CCER1: variants seen among roughly 807,000 people sequenced by gnomAD.
The protein encoded by CCER1 is coiled-coil domain-containing glutamate-rich protein 1.
For synonymous variants in CCER1, 246 were observed against 213.8 expected, an observed-to-expected ratio of 1.15 and a Z score of -1.31; for missense variants, 573 against 524.5, an observed-to-expected ratio of 1.09 and a Z score of -0.90.
In CCER1 at chr12:90,953,137, C is replaced by G. The variant is rs1592615343; in HGVS notation, c.*385G>C. On this transcript the variant is annotated 3_prime_UTR_variant, in exon 1 of 1. Coordinates refer to ENST00000358859, the MANE Select transcript of CCER1 (RefSeq NM_152638.4). Reference sequence around the variant, plus strand: ...GCTTCTTACGCATGTAATAAACTATCTCTTGATTCCAAGCTCATTAAGTGG... The same window carrying G: ...GCTTCTTACGCATGTAATAAACTATGTCTTGATTCCAAGCTCATTAAGTGG... The G allele has an allele frequency of 5.6e-6, 1 of 177,938 alleles. No individual in the cohort carries two copies. The highest frequency in any genetic ancestry group is 2.4e-5 in the African/African-American group (1 of 42,432). The allele number at this position is 177,938 out of a possible 1,614,324, so 11.0% of individuals were successfully genotyped here. A position where few individuals can be genotyped will look rare whatever the true frequency, so the allele number is the denominator to read the frequency against.
chr12:90,953,813 C>T lies in CCER1; in HGVS notation c.930G>A (p.Glu310=), dbSNP rs779116554. The change falls in exon 1 of 1, where the codon GAG becomes GAA. Residue 310 remains glutamate, a synonymous_variant. Transcript: ENST00000358859. The stretch of plus-strand genomic sequence containing the variant: ...CCTCCTCATCTTCGACCTCTTCCTC[C>T]TCATCTTCGACCTCTTCTTCCTCCT... ...ASEEEEEVED[E]EEEVEDEEEE... is the part of the protein sequence containing the mutation. 6 of 1,555,186 alleles carry T rather than the reference C, an allele frequency of 3.9e-6. No homozygotes were observed. Among genetic ancestry groups the T allele is most frequent in the Non-Finnish European group, 5.3e-6 (6 of 1,127,182 alleles).
chr12:90,953,339 C>T lies in CCER1; in HGVS notation c.*183G>A, dbSNP rs1876527106. ...GTAAAATTATATTTGAAAGCTTCCC[C>T]ACCACCCACCCATAGTCATACACAT... is the stretch of plus-strand genomic sequence containing the variant. On this transcript the variant is annotated 3_prime_UTR_variant, in exon 1 of 1. Coordinates refer to ENST00000358859, the MANE Select transcript of CCER1 (RefSeq NM_152638.4). 1 of 544,288 alleles carries T rather than the reference C, an allele frequency of 1.8e-6. No homozygotes were observed. Among genetic ancestry groups the T allele is most frequent in the Non-Finnish European group, 2.9e-6 (1 of 340,352 alleles). The allele number at this position is 544,288 out of a possible 1,614,324, so 33.7% of individuals were successfully genotyped here.
rs761676354 is a variant in CCER1, at chr12:90,954,692, A to G, written c.51T>C (p.Gly17=). 21 of 1,573,714 alleles carry G rather than the reference A, an allele frequency of 1.3e-5. No individual in the cohort carries two copies. In the South Asian group the frequency reaches 1.8e-4, roughly 14 times the overall value. The part of the protein sequence containing the change: ...TREDPLNLGG[G]GGGGCGCGWA... ...AGCCACAGCCACAGCCGCCGCCGCC[A>G]CCGCCGCCCAGGTTCAGAGGGTCTT... The change falls in exon 1 of 1, where the codon GGT becomes GGC. Residue 17 remains glycine (G), a synonymous_variant. Transcript: ENST00000358859.
At position 90,953,726 on chromosome 12, in the gene CCER1, C is replaced by G. The variant is rs776564479; in HGVS notation, c.1017G>C (p.Glu339Asp). 7 of 1,601,596 alleles carry G rather than the reference C, an allele frequency of 4.4e-6. No individual in the cohort carries two copies. The African/African-American group carries it at 5.4e-5, about 12-fold the overall frequency. The change falls in exon 1 of 1, where the codon GAG becomes GAC. Residue 339 changes from glutamate (E) to aspartate (D), a missense_variant. By Grantham distance (45) the Glu-to-Asp change is conservative (BLOSUM62 2). Transcript: ENST00000358859. The part of the protein sequence containing the change: ...EEGEEELEEE[E>D]LEEEEEVLEE... Reference sequence around the variant, plus strand: ...CCAGGACCTCCTCTTCCTCTTCCAGCTCCTCCTCTTCCAGCTCCTCCTCTC... The same window carrying G: ...CCAGGACCTCCTCTTCCTCTTCCAGGTCCTCCTCTTCCAGCTCCTCCTCTC...
chr12:90,953,381 A>G lies in CCER1; in HGVS notation c.*141T>C. ...CATACACATACGCATCAAATTTTAA[A>G]CATTTTATAATGGCCAAAGAAGGTG... On this transcript the variant is annotated 3_prime_UTR_variant, in exon 1 of 1. Transcript: ENST00000358859. The G allele has an allele frequency of 9.5e-7, 1 of 1,051,926 alleles. No homozygotes were observed. Among genetic ancestry groups the G allele is most frequent in the Non-Finnish European group, 1.3e-6 (1 of 754,232 alleles). 65.2% of individuals were successfully genotyped at this position (1,051,926 alleles called of 1,614,324 possible). A position where few individuals can be genotyped will look rare whatever the true frequency, so the allele number is the denominator to read the frequency against.
chr12:90,953,394 G>A lies in CCER1; in HGVS notation c.*128C>T, dbSNP rs1876529140. On this transcript the variant is annotated 3_prime_UTR_variant, in exon 1 of 1. Coordinates refer to ENST00000358859, the MANE Select transcript of CCER1 (RefSeq NM_152638.4). ...ATCAAATTTTAAACATTTTATAATG[G>A]CCAAAGAAGGTGTTTACATAGATCT... 1.8e-6 allele frequency: 2 copies of A among 1,131,084 alleles called. No homozygotes were observed. The highest frequency in any genetic ancestry group is 3.5e-5 in the South Asian group (2 of 57,942). The allele number at this position is 1,131,084 out of a possible 1,614,324, so 70.1% of individuals were successfully genotyped here.
Position 90,954,100 on chromosome 12 carries a change from G to T in CCER1, c.643C>A (p.Arg215=), listed in dbSNP as rs1350962452. ...CCGCTCACCGTGGCCTTCTGCGCCC[G>T]CAGCGCCTCCTGCTGACGCTCCACC... ...EKVERQQEAL[R]AQKATVSGEA... Residue 215 remains arginine (R), a synonymous_variant, in exon 1 of 1, where the codon CGG becomes AGG. Transcript: ENST00000358859. The T allele has an allele frequency of 6.2e-7, 1 of 1,612,992 alleles. No homozygotes were observed. Among genetic ancestry groups the T allele is most frequent in the Admixed American group, 1.7e-5 (1 of 60,032 alleles).
In CCER1 at chr12:90,953,297, G is replaced by C; in HGVS notation, c.*225C>G. 1 of 425,730 alleles carries C rather than the reference G, an allele frequency of 2.3e-6. No individual in the cohort carries two copies. Among genetic ancestry groups the C allele is most frequent in the Non-Finnish European group, 4.1e-6 (1 of 244,824 alleles). The allele number at this position is 425,730 out of a possible 1,614,324, so 26.4% of individuals were successfully genotyped here. On this transcript the variant is annotated 3_prime_UTR_variant, in exon 1 of 1. Coordinates refer to ENST00000358859, the MANE Select transcript of CCER1 (RefSeq NM_152638.4). ...TCAAATGGTAGTAATAAAATACTTG[G>C]CCTTTAATCAGTTCCAGTAAAATTA...
Position 90,954,971 on chromosome 12 carries a change from G to T in CCER1, c.-229C>A. On this transcript the variant is annotated 5_prime_UTR_variant, in exon 1 of 1. Coordinates refer to ENST00000358859, the MANE Select transcript of CCER1 (RefSeq NM_152638.4). Reference sequence around the variant, plus strand: ...TTCGCACCTGGGTTGTCTCGCCCAGGTGTGCTGGGTGGGACTGGGGCTGGG... The same window carrying T: ...TTCGCACCTGGGTTGTCTCGCCCAGTTGTGCTGGGTGGGACTGGGGCTGGG... 2 of 782,394 alleles carry T rather than the reference G, an allele frequency of 2.6e-6. No homozygotes were observed. Among genetic ancestry groups the T allele is most frequent in the South Asian group, 2.0e-5 (1 of 50,158 alleles). The allele number at this position is 782,394 out of a possible 1,614,324, so 48.5% of individuals were successfully genotyped here. A position where few individuals can be genotyped will look rare whatever the true frequency, so the allele number is the denominator to read the frequency against.
rs537393521 is a variant in CCER1, at chr12:90,953,234, C to T, written c.*288G>A. The T allele has an allele frequency of 1.3e-5, 4 of 318,856 alleles. No individual in the cohort carries two copies. Among genetic ancestry groups the T allele is most frequent in the East Asian group, 1.1e-4 (2 of 18,558 alleles). The allele number at this position is 318,856 out of a possible 1,614,324, so 19.8% of individuals were successfully genotyped here. On this transcript the variant is annotated 3_prime_UTR_variant, in exon 1 of 1. Transcript: ENST00000358859. ...GCCAGATTTAAAAAAACAACAGCAA[C>T]TCTGTTTTCTAGAGGGGAAAACACC...
chr12:90,953,838 T>G lies in CCER1; in HGVS notation c.905A>C (p.Glu302Ala), dbSNP rs748005565. 6.3e-7 allele frequency: 1 copy of G among 1,591,344 alleles called. No individual in the cohort carries two copies. The highest frequency in any genetic ancestry group is 1.7e-4 in the Middle Eastern group (1 of 6,020). ...CTCATCTTCGACCTCTTCTTCCTCC[T>G]CGCTCGCCTCCTTTGCATCACACAC... ...QEVCDAKEAS[E>A]EEEEVEDEEE... The change falls in exon 1 of 1, where the codon GAG becomes GCG. Residue 302 changes from glutamate (E) to alanine (A), a missense_variant. Coordinates refer to ENST00000358859, the MANE Select transcript of CCER1 (RefSeq NM_152638.4).
Position 90,954,779 on chromosome 12 carries a change from C to G in CCER1, c.-37G>C, listed in dbSNP as rs117919138. 2.6e-5 allele frequency: 40 copies of G among 1,512,094 alleles called. No individual in the cohort carries two copies. The highest frequency in any genetic ancestry group is 1.9e-5 in the Non-Finnish European group (21 of 1,126,624). 93.7% of individuals were successfully genotyped at this position (1,512,094 alleles called of 1,614,324 possible). ...CTCCGAGAGGTCCAGATGGTAGCGACCTGAAGCTGTCGTCAAGTTTTGCCA... is the reference window on the plus strand; with the variant it reads ...CTCCGAGAGGTCCAGATGGTAGCGAGCTGAAGCTGTCGTCAAGTTTTGCCA... On this transcript the variant is annotated 5_prime_UTR_variant, in exon 1 of 1. Transcript: ENST00000358859.
chr12:90,955,052 C>T lies in CCER1; in HGVS notation c.-310G>A. The T allele has an allele frequency of 2.2e-6, 1 of 451,934 alleles. No individual in the cohort carries two copies. 28.0% of individuals were successfully genotyped at this position (451,934 alleles called of 1,614,324 possible). On this transcript the variant is annotated 5_prime_UTR_variant, in exon 1 of 1. Transcript: ENST00000358859. ...GGCGACACGCAGTGAGACCCACTCC[C>T]GGGTCCCCACCACACCCGGCTCTGC...
At position 90,955,006 on chromosome 12, in the gene CCER1, T is replaced by TG. The variant is rs1326359996; in HGVS notation, c.-265dup. 2 of 607,518 alleles carry TG rather than the reference T, an allele frequency of 3.3e-6. No homozygotes were observed. The highest frequency in any genetic ancestry group is 5.7e-6 in the Non-Finnish European group (2 of 352,608). The allele number at this position is 607,518 out of a possible 1,614,324, so 37.6% of individuals were successfully genotyped here. On this transcript the variant is annotated 5_prime_UTR_variant, in exon 1 of 1. Transcript: ENST00000358859. ...TGGGACTGGGGCTGGGTAAGGATGGTGGGGGAGGAAGGTGTTGGCAGGCGA... is the reference window on the plus strand; with the variant it reads ...TGGGACTGGGGCTGGGTAAGGATGGTGGGGGGAGGAAGGTGTTGGCAGGCGA...
chr12:90,953,714 T>TTCCTCTTCCAGCTCC lies in CCER1; in HGVS notation c.1014_1028dup (p.Leu340_Glu344dup), dbSNP rs753281611. 3.7e-6 allele frequency: 6 copies of TTCCTCTTCCAGCTCC among 1,609,452 alleles called. No individual in the cohort carries two copies. In the South Asian group the frequency reaches 4.4e-5, roughly 12 times the overall value. On this transcript the variant is annotated inframe_insertion, in exon 1 of 1. Transcript: ENST00000358859. ...GCTCGTTCTCCTCCAGGACCTCCTC[T>TTCCTCTTCCAGCTCC]TCCTCTTCCAGCTCCTCCTCTTCCA...
chr12:90,954,669 C>A lies in CCER1; in HGVS notation c.74G>T (p.Gly25Val). ...GGGGGGGCGC[G>V]WAHSASLSSW... ...GCTCAAGGAGGCCGAGTGTGCCCAG[C>A]CACAGCCACAGCCGCCGCCGCCACC... Residue 25 changes from glycine to valine, a missense_variant, in exon 1 of 1, where the codon GGC becomes GTC. Gly to Val is a moderately radical substitution (Grantham distance 109). Coordinates refer to ENST00000358859, the MANE Select transcript of CCER1 (RefSeq NM_152638.4). The A allele has an allele frequency of 6.3e-7, 1 of 1,592,078 alleles. No individual in the cohort carries two copies. The highest frequency in any genetic ancestry group is 8.5e-7 in the Non-Finnish European group (1 of 1,170,338).
chr12:90,954,717 T>C lies in CCER1; in HGVS notation c.26A>G (p.Glu9Gly). Residue 9 changes from glutamate to glycine, a missense_variant, in exon 1 of 1, where the codon GAA becomes GGA. Physicochemically the swap from Glu to Gly is moderately conservative, Grantham distance 98. Transcript: ENST00000358859. The part of the protein sequence containing the change: MTQTLDTR[E>G]DPLNLGGGGG... ...ACCGCCGCCCAGGTTCAGAGGGTCTTCCCTTGTGTCGAGGGTCTGAGTCAT... is the reference window on the plus strand; with the variant it reads ...ACCGCCGCCCAGGTTCAGAGGGTCTCCCCTTGTGTCGAGGGTCTGAGTCAT... 6.4e-7 allele frequency: 1 copy of C among 1,555,444 alleles called. No homozygotes were observed. The highest frequency in any genetic ancestry group is 8.7e-7 in the Non-Finnish European group (1 of 1,150,400).
rs1159344079 is a variant in CCER1, at chr12:90,954,120, T to C, written c.623A>G (p.Glu208Gly). 3 of 1,612,506 alleles carry C rather than the reference T, an allele frequency of 1.9e-6. No homozygotes were observed. Among genetic ancestry groups the C allele is most frequent in the East Asian group, 2.2e-5 (1 of 44,864 alleles). ...CGCCCGCAGCGCCTCCTGCTGACGC[T>C]CCACCTTCTCCTGCTGCCTCATGTC... Reference protein sequence around the residue: ...YEDMRQQEKVERQQEALRAQK... With the variant: ...YEDMRQQEKVGRQQEALRAQK... Residue 208 changes from glutamate (E) to glycine (G), a missense_variant, in exon 1 of 1, where the codon GAG becomes GGG. Glu to Gly is a moderately conservative substitution (Grantham distance 98). Coordinates refer to ENST00000358859, the MANE Select transcript of CCER1 (RefSeq NM_152638.4).
Position 90,954,772 on chromosome 12 carries a change from G to C in CCER1, c.-30C>G, listed in dbSNP as rs953850152. The C allele has an allele frequency of 3.9e-6, 6 of 1,523,884 alleles. No individual in the cohort carries two copies. The highest frequency in any genetic ancestry group is 2.3e-4 in the Middle Eastern group (1 of 4,294). 94.4% of individuals were successfully genotyped at this position (1,523,884 alleles called of 1,614,324 possible). On this transcript the variant is annotated 5_prime_UTR_variant, in exon 1 of 1. Coordinates refer to ENST00000358859, the MANE Select transcript of CCER1 (RefSeq NM_152638.4). ...CAGGGAGCTCCGAGAGGTCCAGATG[G>C]TAGCGACCTGAAGCTGTCGTCAAGT...
Sources: allele counts gnomAD v4.1 joint callset, GRCh38; gene constraint gnomAD v4.1.1; transcripts MANE v1.5; gene names NCBI Gene and HGNC (gene_info 2026-07-23, HGNC 2026-07-21).